Variants in RPH3A observed in about 807,000 individuals in gnomAD.
The protein encoded by RPH3A is rabphilin 3A, also known as rabphilin-3A.
RPH3A carries 48 observed loss-of-function variants against 102.2 expected under a neutral mutation model. The observed-to-expected ratio is 0.47, with a 90% CI of 0.37 to 0.60. RPH3A has a LOEUF of 0.60. RPH3A is among the 20% of genes least tolerant of loss of function. RPH3A has a pLI of 0.00. For synonymous variants in RPH3A, 310 were observed against 324.3 expected (o/e 0.96, Z 0.47); for missense variants, 781 against 910.1 (o/e 0.86, Z 1.83).
At chr12:112,708,745 C>T (rs779442648) in intron 1 of RPH3A, among the ~76,000 whole-genome samples, 2 of 152,064 alleles carry the variant, frequency 1.3e-5, no homozygotes, top group Non-Finnish European at 2.9e-5. Flanking sequence ...AATTATCAAG[C>T]GCCCAGGGGA....
chr12:112,793,993 G>A (rs1489285026), intron 2 of RPH3A, among the ~76,000 whole-genome samples: 1 of 152,186 alleles, frequency 6.6e-6, no homozygotes, highest in East Asian at 1.9e-4. Flanking sequence ...GGCCAGCCCA[G>A]CTGGGATAGC....
intron 1 of RPH3A, among the ~76,000 whole-genome samples, chr12:112,698,916 TC>T (rs1013783307): frequency 4.1e-5 from 2 of 48,662 alleles, no homozygotes; most frequent in African/African-American, 1.7e-4. Context: ...CTCCCCCTCC[TC>T]CCCCCGCCCT....
At chr12:112,661,445 G>A (rs1337733254) in intron 1 of RPH3A, among the ~76,000 whole-genome samples, 1 of 152,184 alleles carries the variant, frequency 6.6e-6, no homozygotes, top group Non-Finnish European at 1.5e-5. Flanking sequence ...TTCTGTGGAG[G>A]AAATTTGTGT....
At chr12:112,603,867 T>C (rs1239522068) in intron 1 of RPH3A, among the ~76,000 whole-genome samples, 1 of 152,116 alleles carries the variant, frequency 6.6e-6, no homozygotes, top group Non-Finnish European at 1.5e-5. Flanking sequence ...AGGGATGTAA[T>C]ATAACCCAGC....
chr12:112,757,954 C>A (rs1359206371), intron 1 of RPH3A, among the ~76,000 whole-genome samples: 9 of 152,292 alleles, frequency 5.9e-5, no homozygotes, highest in African/African-American at 2.2e-4. Context: ...GTCTTAAAGA[C>A]AATGTTGCCA....
At chr12:112,839,427 G>A (rs1307802341) in intron 4 of RPH3A, among the ~76,000 whole-genome samples, 1 of 152,124 alleles carries the variant, frequency 6.6e-6, no homozygotes, top group Non-Finnish European at 1.5e-5. Context: ...TTGGTGAGTG[G>A]CTCTGTGGAC....
chr12:112,859,344 C>T (rs1014574818), intron 5 of RPH3A, among the ~76,000 whole-genome samples: 4 of 152,152 alleles, frequency 2.6e-5, no homozygotes, highest in African/African-American at 9.7e-5. Flanking sequence ...TTTTAACCAT[C>T]GGCCACATGA....
At chr12:112,728,537 TAA>T (rs2040612109) in intron 1 of RPH3A, among the ~76,000 whole-genome samples, 1 of 152,192 alleles carries the variant, frequency 6.6e-6, no homozygotes, top group African/African-American at 2.4e-5. Context: ...CTCAGAACTA[TAA>T]AGACTTAAGA....
chr12:112,890,105 C>T, intron 18 of RPH3A, 25 bp downstream of exon 18: 9 of 1,608,902 alleles, frequency 5.6e-6, no homozygotes, highest in Non-Finnish European at 7.6e-6. Context: ...GGAATTGAAG[C>T]CACAGTCAGG....
chr12:112,612,724 C>T (rs188368696), intron 1 of RPH3A, among the ~76,000 whole-genome samples: 98 of 151,900 alleles, frequency 6.5e-4, no homozygotes, highest in Non-Finnish European at 1.2e-3. Context: ...ACTGCCATGC[C>T]CAGCTAATTT....
At chr12:112,678,303 A>AGAGAG (rs1555283198) in intron 1 of RPH3A, among the ~76,000 whole-genome samples, 2 of 50,190 alleles carry the variant, frequency 4.0e-5, no homozygotes, top group African/African-American at 6.7e-5. Context: ...GAAAGAAAGA[A>AGAGAG]AGAGAGAGAG....
chr12:112,708,421 T>C (rs531781989), intron 1 of RPH3A, among the ~76,000 whole-genome samples: 2 of 152,128 alleles, frequency 1.3e-5, no homozygotes, highest in Non-Finnish European at 2.9e-5. Flanking sequence ...TGGAATTGGC[T>C]TCAGAGGTAG....
chr12:112,700,797 C>T (rs1452511937), intron 1 of RPH3A, among the ~76,000 whole-genome samples: 1 of 152,162 alleles, frequency 6.6e-6, no homozygotes, highest in East Asian at 1.9e-4. Context: ...TGAGGTTCTC[C>T]AAAATACCAT....
At chr12:112,683,115 C>A (rs548056883) in intron 1 of RPH3A, among the ~76,000 whole-genome samples, 3 of 152,156 alleles carry the variant, frequency 2.0e-5, no homozygotes, top group Non-Finnish European at 2.9e-5. Context: ...ATCTTCAGAG[C>A]ATGCTCAGGA....
intron 2 of RPH3A, among the ~76,000 whole-genome samples, chr12:112,822,321 C>T (rs981617330): frequency 3.3e-5 from 5 of 152,236 alleles, no homozygotes; most frequent in African/African-American, 4.8e-5. Flanking sequence ...CAGCTCCTGC[C>T]GGTTCCCTGC....
chr12:112,604,095 A>G (rs1009413711), intron 1 of RPH3A, among the ~76,000 whole-genome samples: 2 of 152,212 alleles, frequency 1.3e-5, no homozygotes, highest in Non-Finnish European at 2.9e-5. Flanking sequence ...ATCAATCTTT[A>G]TGTGCAGAAT....
chr12:112,689,177 TG>T (rs796734263), intron 1 of RPH3A, among the ~76,000 whole-genome samples: 89 of 152,266 alleles, frequency 5.8e-4, no homozygotes, highest in African/African-American at 2.1e-3. Flanking sequence ...ATGACTAAAG[TG>T]ATCCATGTGT....
chr12:112,688,590 A>G lies in RPH3A; in HGVS notation c.-139-103553A>G, dbSNP rs11834023. Among the ~76,000 whole-genome samples, 1,253 of 152,304 alleles carry G rather than the reference A, an allele frequency of 8.2e-3. 18 individuals are homozygous for G. The highest frequency in any genetic ancestry group is 0.028 in the African/African-American group (1,168 of 41,548). ...GGTCTATAAGGATATTCCCTGCTTA[A>G]AAATATGAATCCTGAAAAAAACCAA... is the stretch of plus-strand genomic sequence containing the variant. On this transcript the variant is annotated intron_variant, in intron 1 of 21. Coordinates refer to the RPH3A transcript ENST00000543106.
At chr12:112,820,569 A>G (rs901444100) in intron 2 of RPH3A, among the ~76,000 whole-genome samples, 2 of 152,204 alleles carry the variant, frequency 1.3e-5, no homozygotes, top group African/African-American at 2.4e-5. Context: ...GGAGAGTTCA[A>G]TGAAGCCATC....
Sources: gnomAD v4.1 joint callset for allele counts (sites outside exome capture counted in the v4.1 genomes callset) on GRCh38, gnomAD v4.1.1 for gene constraint, MANE v1.5 for transcripts, NCBI Gene and HGNC (gene_info 2026-07-23, HGNC 2026-07-21) for gene names.